Variants in TUSC3 observed in about 807,000 individuals in gnomAD.
TUSC3 encodes dolichyl-diphosphooligosaccharide--protein glycosyltransferase subunit TUSC3.
Under a neutral mutation model 44.8 loss-of-function variants are expected in TUSC3, and 45 were observed. The ratio of observed to expected loss-of-function variants is 1.00; its 90% confidence interval spans 0.79 to 1.29. The LOEUF (loss-of-function observed/expected upper bound fraction) is 1.29, where lower values mean the gene tolerates loss of function less well. Among genes scored for constraint, TUSC3 ranks in the 50% most tolerant of loss-of-function variants. The probability of loss-of-function intolerance (pLI) is 0.00; values close to 1 mark genes in which losing one functional copy is unlikely to be tolerated. For missense variants in TUSC3, 519 were observed against 437.9 expected (o/e 1.19, Z -1.65); for synonymous variants, 212 against 152.9 (o/e 1.39, Z -2.85).
chr8:15,633,076 G>C (rs765245460), intron 2 of TUSC3, among the ~76,000 whole-genome samples: 7 of 152,158 alleles, frequency 4.6e-5, no homozygotes, highest in Non-Finnish European at 8.8e-5. Context: ...TAGAGCTAAG[G>C]GATATGGTTC....
At chr8:15,449,860 C>T (rs1277009950) in intron 1 of TUSC3, among the ~76,000 whole-genome samples, 1 of 152,014 alleles carries the variant, frequency 6.6e-6, no homozygotes, top group African/African-American at 2.4e-5. Context: ...TTTTACTGTA[C>T]CTTTTTTATG....
intron 5 of TUSC3, among the ~76,000 whole-genome samples, chr8:15,664,115 T>C (rs2129180657): frequency 6.6e-6 from 1 of 151,926 alleles, no homozygotes; most frequent in Admixed American, 6.6e-5. Flanking sequence ...GCTTCATAAC[T>C]GTGCAAAGGA....
chr8:15,798,728 G>A, the TUSC3 span, among the ~76,000 whole-genome samples: 540 of 152,158 alleles, frequency 3.5e-3, 3 homozygotes, highest in African/African-American at 0.011. Flanking sequence ...GGGACCACTA[G>A]GTTTGCATCC....
Position 15,623,071 on chromosome 8 carries a change from T to G in TUSC3, c.139-9T>G, listed in dbSNP as rs774596458. The G allele has an allele frequency of 4.3e-6, 7 of 1,613,290 alleles. No homozygotes were observed. The East Asian group carries it at 8.9e-5, about 21-fold the overall frequency. ...CTTTGTAAATGTTAATTTCTGTGTTTAATTGCAGAATCTTTTAGCTGAAAA... is the reference window on the plus strand; with the variant it reads ...CTTTGTAAATGTTAATTTCTGTGTTGAATTGCAGAATCTTTTAGCTGAAAA... On this transcript the variant is annotated splice_polypyrimidine_tract_variant and intron_variant, in intron 1 of 10. Coordinates refer to ENST00000503731, the MANE Select transcript of TUSC3 (RefSeq NM_006765.4).
the TUSC3 span, among the ~76,000 whole-genome samples, chr8:15,848,300 A>C: frequency 6.6e-6 from 1 of 152,188 alleles, no homozygotes; most frequent in Non-Finnish European, 1.5e-5. Flanking sequence ...TGTAGTTCTC[A>C]AGAATAACTG....
chr8:15,689,821 GGTGTGTGTGTGTGT>G (rs71543657), intron 6 of TUSC3, among the ~76,000 whole-genome samples: 32 of 131,054 alleles, frequency 2.4e-4, no homozygotes, highest in Middle Eastern at 4.1e-3. Context: ...AATAGTCCAT[GGTGTGTGTGTGTGT>G]GTGTGTGTGT....
At chr8:15,590,964 G>A (rs984453373) in intron 1 of TUSC3, among the ~76,000 whole-genome samples, 14 of 152,154 alleles carry the variant, frequency 9.2e-5, no homozygotes, top group Admixed American at 6.5e-5. Context: ...TTGAGGCACT[G>A]CAACCAGCCT....
intron 1 of TUSC3, among the ~76,000 whole-genome samples, chr8:15,460,241 A>C (rs1315352813): frequency 6.6e-6 from 1 of 152,030 alleles, no homozygotes; most frequent in Admixed American, 6.6e-5. Context: ...CTTGTGGAGT[A>C]AGTTGGTATC....
chr8:15,682,874 A>AT (rs1391566172), intron 6 of TUSC3, among the ~76,000 whole-genome samples: 3 of 148,806 alleles, frequency 2.0e-5, no homozygotes, highest in Admixed American at 6.7e-5. Context: ...TTAGTGATTG[A>AT]TTCTCTGGGA....
At chr8:15,811,783 C>G in the TUSC3 span, among the ~76,000 whole-genome samples, 28 of 152,170 alleles carry the variant, frequency 1.8e-4, no homozygotes, top group Non-Finnish European at 3.5e-4. Flanking sequence ...GTTAAAAGAA[C>G]CATCTGGGGC....
chr8:15,658,633 T>TACACACACAC lies in TUSC3; in HGVS notation c.427-873_427-872insCACACACACA, dbSNP rs551780920. Among the ~76,000 whole-genome samples the TACACACACAC allele has an allele frequency of 2.3e-3, 253 of 108,972 alleles. 3 individuals carry two copies. Among genetic ancestry groups the TACACACACAC allele is most frequent in the South Asian group, 0.015 (59 of 3,934 alleles). 71.5% of individuals were successfully genotyped at this position (108,972 alleles called of 152,430 possible). A position where few individuals can be genotyped will look rare whatever the true frequency, so the allele number is the denominator to read the frequency against. ...AATTTAATTCGTGTATATATACACA[T>TACACACACAC]ATATATACACACACACACACACACA... On this transcript the variant is annotated intron_variant, in intron 3 of 10. Coordinates refer to ENST00000503731, the MANE Select transcript of TUSC3 (RefSeq NM_006765.4).
chr8:15,633,854 G>A (rs1297902715), intron 2 of TUSC3, among the ~76,000 whole-genome samples: 1 of 152,114 alleles, frequency 6.6e-6, no homozygotes, highest in Non-Finnish European at 1.5e-5. Flanking sequence ...CATCCAGTTT[G>A]TGATACTTTG....
chr8:15,820,988 TAACAA>T, the TUSC3 span, among the ~76,000 whole-genome samples: 2 of 152,192 alleles, frequency 1.3e-5, no homozygotes, highest in African/African-American at 4.8e-5. Flanking sequence ...TTGTTACTCT[TAACAA>T]AACATTTCTG....
At chr8:15,534,279 A>C (rs1015028617) in intron 2 of TUSC3, among the ~76,000 whole-genome samples, 1 of 152,200 alleles carries the variant, frequency 6.6e-6, no homozygotes, top group African/African-American at 2.4e-5. Flanking sequence ...TACTATAGAA[A>C]TAATATCAGC....
chr8:15,463,720 A>G (rs1304833635), intron 1 of TUSC3, among the ~76,000 whole-genome samples: 1 of 152,174 alleles, frequency 6.6e-6, no homozygotes, highest in Non-Finnish European at 1.5e-5. Flanking sequence ...AAGAGAATAT[A>G]AAGGGAAAAC....
chr8:15,789,098 G>A, the TUSC3 span, among the ~76,000 whole-genome samples: 1 of 152,292 alleles, frequency 6.6e-6, no homozygotes, highest in East Asian at 1.9e-4. Context: ...GCATGCCCAT[G>A]ACTATGAACA....
chr8:15,751,766 C>CAGGAT (rs1811715648), intron 9 of TUSC3, among the ~76,000 whole-genome samples: 2 of 152,150 alleles, frequency 1.3e-5, no homozygotes, highest in Admixed American at 1.3e-4. Flanking sequence ...AAAAGGTGTG[C>CAGGAT]AGGATAGATC....
At chr8:15,737,104 C>T (rs938847872) in intron 7 of TUSC3, among the ~76,000 whole-genome samples, 4 of 151,940 alleles carry the variant, frequency 2.6e-5, no homozygotes, top group African/African-American at 4.8e-5. Flanking sequence ...TGATTTTATT[C>T]GCATCTGTTT....
the TUSC3 span, among the ~76,000 whole-genome samples, chr8:15,782,987 C>A: frequency 6.6e-6 from 1 of 152,000 alleles, no homozygotes; most frequent in Non-Finnish European, 1.5e-5. Flanking sequence ...ACCAAAAAAA[C>A]CGTTATAACT....
Sources: gnomAD v4.1 joint callset for allele counts (sites outside exome capture counted in the v4.1 genomes callset) on GRCh38, gnomAD v4.1.1 for gene constraint, MANE v1.5 for transcripts, NCBI Gene and HGNC (gene_info 2026-07-23, HGNC 2026-07-21) for gene names.